STX8: variants seen among roughly 807,000 people sequenced by gnomAD.
The protein encoded by STX8 is syntaxin 8, also known as syntaxin-8.
Under a neutral mutation model 37.5 loss-of-function variants are expected in STX8, and 23 were observed. That is an observed-to-expected ratio of 0.61 (90% CI 0.44 to 0.87). STX8 has a LOEUF of 0.87. STX8 is among the 40% of genes least tolerant of loss of function. The probability of loss-of-function intolerance (pLI) is 0.00; values close to 1 mark genes in which losing one functional copy is unlikely to be tolerated. For synonymous variants in STX8, 115 were observed against 99.1 expected (o/e 1.16, Z -0.95); for missense variants, 313 against 284.7 (o/e 1.10, Z -0.71).
At chr17:9,333,064 CT>C (rs1001727945) in intron 7 of STX8, among the ~76,000 whole-genome samples, 1 of 151,956 alleles carries the variant, frequency 6.6e-6, no homozygotes, top group Non-Finnish European at 1.5e-5. Context: ...GCTTTCAATT[CT>C]TTTTTAACTG....
At chr17:9,365,689 G>A (rs1362634204) in intron 7 of STX8, among the ~76,000 whole-genome samples, 1 of 152,234 alleles carries the variant, frequency 6.6e-6, no homozygotes, top group Admixed American at 6.5e-5. Context: ...CAAAAGACAG[G>A]GGGGCCACGT....
intron 6 of STX8, among the ~76,000 whole-genome samples, chr17:9,393,503 T>C (rs963053926): frequency 1.3e-5 from 2 of 152,322 alleles, no homozygotes; most frequent in African/African-American, 2.4e-5. Flanking sequence ...TGATCTTCAA[T>C]GCACGTAAGT....
rs66679333 is a variant in STX8 at position 9,340,649 on chromosome 17, A to ATTTTTTTTTT, written c.643+37893_643+37902dup. On this transcript the variant is annotated intron_variant, in intron 7 of 7. Coordinates refer to ENST00000306357, the MANE Select transcript of STX8 (RefSeq NM_004853.3). ...CTGTTTCTTATCAATGTTGCACTTGATTTTTTTTTTTTTTTTTTTTTTTTT... is the reference window on the plus strand; with the variant it reads ...CTGTTTCTTATCAATGTTGCACTTGATTTTTTTTTTTTTTTTTTTTTTTTTTTTTTTTTTT... Among the ~76,000 whole-genome samples the ATTTTTTTTTT allele has an allele frequency of 1.1e-3, 66 of 62,106 alleles. 4 individuals are homozygous for ATTTTTTTTTT. The highest frequency in any genetic ancestry group is 3.1e-3 in the East Asian group (5 of 1,634). The allele number at this position is 62,106 out of a possible 152,430, so 40.7% of individuals were successfully genotyped here. A position where few individuals can be genotyped will look rare whatever the true frequency, so the allele number is the denominator to read the frequency against.
chr17:9,442,222 A>G (rs941048257), intron 6 of STX8, among the ~76,000 whole-genome samples: 1 of 152,088 alleles, frequency 6.6e-6, no homozygotes, highest in Non-Finnish European at 1.5e-5. Context: ...CACTGGTCCT[A>G]CTACTTTTAA....
chr17:9,373,380 G>T (rs1345830065), intron 7 of STX8, among the ~76,000 whole-genome samples: 1 of 151,666 alleles, frequency 6.6e-6, no homozygotes, highest in East Asian at 1.9e-4. Flanking sequence ...ACTGACAAAT[G>T]GATAAACAAA....
At chr17:9,435,926 G>A (rs959163411) in intron 6 of STX8, among the ~76,000 whole-genome samples, 3 of 152,104 alleles carry the variant, frequency 2.0e-5, no homozygotes, top group African/African-American at 4.8e-5. Context: ...GGTATATGGA[G>A]GGATGAGAGA....
intron 6 of STX8, among the ~76,000 whole-genome samples, chr17:9,475,818 G>A (rs1906078448): frequency 6.6e-6 from 1 of 152,132 alleles, no homozygotes; most frequent in African/African-American, 2.4e-5. Flanking sequence ...GGCATATCTT[G>A]CCCATTTACA....
At chr17:9,564,347 GAAAAGA>G (rs1173681105) in intron 2 of STX8, among the ~76,000 whole-genome samples, 6 of 151,258 alleles carry the variant, frequency 4.0e-5, no homozygotes, top group African/African-American at 1.5e-4. Flanking sequence ...GGAAAAGAAA[GAAAAGA>G]AAGAGAGAGA....
Position 9,278,580 on chromosome 17 carries a change from A to G in STX8, c.644-27935T>C, listed in dbSNP as rs1009039644. On this transcript the variant is annotated intron_variant, in intron 7 of 7. Transcript: ENST00000306357. ...TGAATAACTGGGTCAATGGCATGCT[A>G]TTTATTGAGACAGAAAACTAGGGGT... Among the ~76,000 whole-genome samples, 4 of 152,340 alleles carry G rather than the reference A, an allele frequency of 2.6e-5. No individual in the cohort carries two copies. The East Asian group carries it at 5.8e-4, about 22-fold the overall frequency.
chr17:9,455,432 G>A (rs563143052), intron 6 of STX8, among the ~76,000 whole-genome samples: 59 of 150,042 alleles, frequency 3.9e-4, no homozygotes, highest in African/African-American at 1.2e-3. Context: ...CCCAGGAGGC[G>A]GAGGTTGCAG....
intron 7 of STX8, among the ~76,000 whole-genome samples, chr17:9,328,325 A>C (rs1909845165): frequency 6.6e-6 from 1 of 151,898 alleles, no homozygotes; most frequent in African/African-American, 2.4e-5. Flanking sequence ...GGGAAAAGGG[A>C]AGGAAGAAAA....
chr17:9,556,800 T>C (rs867517632), intron 3 of STX8: 15 of 126,794 alleles, frequency 1.2e-4, no homozygotes, highest in African/African-American at 4.2e-4. Context: ...TATATACACA[T>C]ACATATATAT....
chr17:9,413,982 T>C (rs1374253525), intron 6 of STX8, among the ~76,000 whole-genome samples: 1 of 152,016 alleles, frequency 6.6e-6, no homozygotes, highest in Admixed American at 6.6e-5. Context: ...ATCCAACAAA[T>C]CATCCATCCA....
chr17:9,375,203 A>G (rs1286989460), intron 7 of STX8, among the ~76,000 whole-genome samples: 4 of 152,150 alleles, frequency 2.6e-5, no homozygotes, highest in Admixed American at 1.3e-4. Flanking sequence ...ATTAAATAAA[A>G]TGAGGCATGA....
chr17:9,302,041 C>T (rs919233888), intron 7 of STX8, among the ~76,000 whole-genome samples: 2 of 152,072 alleles, frequency 1.3e-5, no homozygotes, highest in Non-Finnish European at 1.5e-5. Flanking sequence ...ATAGTTTGCC[C>T]ATAAAACTGC....
At chr17:9,304,535 AAGAAAGAAAAAAGAAAAC>A (rs1908901500) in intron 7 of STX8, among the ~76,000 whole-genome samples, 1 of 149,438 alleles carries the variant, frequency 6.7e-6, no homozygotes, top group African/African-American at 2.5e-5. Flanking sequence ...AAAAAGAAAA[AAGAAAGAAAAAAGAAAAC>A]GAAAAATACA....
intron 6 of STX8, among the ~76,000 whole-genome samples, chr17:9,385,882 C>T (rs1911985089): frequency 6.6e-6 from 1 of 152,192 alleles, no homozygotes; most frequent in Non-Finnish European, 1.5e-5. Flanking sequence ...AAGCAATTCT[C>T]CAGCCTCGCC....
At chr17:9,450,407 A>G (rs1365225895) in intron 6 of STX8, among the ~76,000 whole-genome samples, 1 of 151,896 alleles carries the variant, frequency 6.6e-6, no homozygotes, top group Non-Finnish European at 1.5e-5. Context: ...TAAACCTCAC[A>G]CTAAAAAAGG....
At chr17:9,282,309 T>C (rs558140820) in intron 7 of STX8, among the ~76,000 whole-genome samples, 84 of 152,268 alleles carry the variant, frequency 5.5e-4, no homozygotes, top group East Asian at 1.9e-3. Context: ...ATTTTTTGTA[T>C]TTTTAGTAGA....
Sources: allele counts gnomAD v4.1 joint callset (sites outside exome capture counted in the v4.1 genomes callset), GRCh38; gene constraint gnomAD v4.1.1; transcripts MANE v1.5; gene names NCBI Gene and HGNC (gene_info 2026-07-23, HGNC 2026-07-21).